The following COL19A1 variants were observed in gnomAD, a reference collection of about 807,000 sequenced individuals.
The protein encoded by COL19A1 is collagen alpha-1(XIX) chain.
A neutral mutation model predicts 190.2 loss-of-function variants in COL19A1; 159 were observed. The ratio of observed to expected loss-of-function variants is 0.84; its 90% CI spans 0.73 to 0.95. The LOEUF (loss-of-function observed/expected upper bound fraction) is 0.95. Among genes scored for constraint, COL19A1 ranks in the 40% least tolerant of loss-of-function variants. The probability of loss-of-function intolerance (pLI) is 0.00; values close to 1 mark genes in which losing one functional copy is unlikely to be tolerated. For missense variants in COL19A1, 1,418 were observed against 1,431.9 expected (o/e 0.99, Z 0.16); for synonymous variants, 509 against 458.9 (o/e 1.11, Z -1.39).
chr6:70,180,571 A>G, intron 44 of COL19A1, 48 bp downstream of exon 44: 1 of 1,573,770 alleles, frequency 6.4e-7, no homozygotes. Context: ...GAAATGCTCT[A>G]ACATTATCTC....
At chr6:70,172,128 C>A in intron 41 of COL19A1, 111 bp downstream of exon 41, 2 of 864,314 alleles carry the variant, frequency 2.3e-6, no homozygotes, top group Non-Finnish European at 3.7e-6. Context: ...AGGAACAAAA[C>A]AGACAAAAAT....
At chr6:69,955,636 T>C (rs1774375435) in intron 9 of COL19A1, among the ~76,000 whole-genome samples, 2 of 151,196 alleles carry the variant, frequency 1.3e-5, no homozygotes, top group African/African-American at 2.4e-5. Flanking sequence ...ATTTCTGGAA[T>C]GATGTGCTGA....
At chr6:70,201,613 C>T (rs919148635) in intron 49 of COL19A1, among the ~76,000 whole-genome samples, 3 of 152,214 alleles carry the variant, frequency 2.0e-5, no homozygotes, top group African/African-American at 7.2e-5. Context: ...TGACAACAGA[C>T]ATATCTTGAC....
rs1470701742 is a variant in COL19A1 at position 70,102,207 on chromosome 6, A to AC, written c.1268dup (p.Gly424ArgfsTer20). 6.2e-7 allele frequency: 1 copy of AC among 1,611,812 alleles called. No individual in the cohort carries two copies. The highest frequency in any genetic ancestry group is 1.3e-5 in the African/African-American group (1 of 74,798). On this transcript the variant is annotated frameshift_variant, in exon 16 of 51. Coordinates refer to ENST00000620364, the MANE Select transcript of COL19A1 (RefSeq NM_001858.6). LOFTEE classifies it high-confidence loss of function. ...AAACAGGACCTCCCGGAAAACCAGGACCCCCAGGACCACCTGTGAGTAAAC... is the reference window on the plus strand; with the variant it reads ...AAACAGGACCTCCCGGAAAACCAGGACCCCCCAGGACCACCTGTGAGTAAAC...
chr6:70,098,488 C>T, intron 15 of COL19A1: 3 of 497,290 alleles, frequency 6.0e-6, no homozygotes, highest in Non-Finnish European at 8.0e-6. Flanking sequence ...TATTCAGGTG[C>T]CTCATTCGAC....
rs73746866 is a variant in COL19A1, at chr6:70,105,923, A to C, written c.1278+3701A>C. On this transcript the variant is annotated intron_variant, in intron 16 of 50. Coordinates refer to ENST00000620364, the MANE Select transcript of COL19A1 (RefSeq NM_001858.6). ...TATCATTTAAACATTATGTTTGAGC[A>C]ATTAGTCTTTAGGAAAGTTGGAGGG... Among the ~76,000 whole-genome samples, 497 of 152,342 alleles carry C rather than the reference A, an allele frequency of 3.3e-3. 2 individuals are homozygous for C. Among genetic ancestry groups the C allele is most frequent in the African/African-American group, 0.01 (426 of 41,584 alleles).
At chr6:70,146,201 G>A (rs977920227) in intron 25 of COL19A1, among the ~76,000 whole-genome samples, 3 of 152,130 alleles carry the variant, frequency 2.0e-5, no homozygotes, top group African/African-American at 7.2e-5. Flanking sequence ...AACGTTCCTA[G>A]GGCAGTATTG....
chr6:70,039,478 C>T (rs1224461362), intron 14 of COL19A1, among the ~76,000 whole-genome samples: 1 of 152,140 alleles, frequency 6.6e-6, no homozygotes, highest in Non-Finnish European at 1.5e-5. Context: ...AAGCTACTAG[C>T]AAGTCCAACA....
At chr6:69,925,564 T>G (rs1440861556) in intron 4 of COL19A1, among the ~76,000 whole-genome samples, 2 of 152,196 alleles carry the variant, frequency 1.3e-5, no homozygotes, top group Admixed American at 1.3e-4. Flanking sequence ...GACTTGGCAA[T>G]GCGGGCTCTT....
At chr6:70,042,547 A>G (rs942379017) in intron 14 of COL19A1, among the ~76,000 whole-genome samples, 2 of 152,058 alleles carry the variant, frequency 1.3e-5, no homozygotes, top group Non-Finnish European at 2.9e-5. Flanking sequence ...GATGGCTGCT[A>G]TCTGATCAGG....
chr6:70,137,638 G>C, intron 18 of COL19A1, 47 bp from the exon 19 acceptor site: 2 of 1,556,130 alleles, frequency 1.3e-6, no homozygotes, highest in South Asian at 1.1e-5. Flanking sequence ...TCACAATAAT[G>C]CTTCTCTAAC....
intron 5 of COL19A1, 40 bp from the exon 6 acceptor site, chr6:69,929,385 T>C: frequency 6.4e-7 from 1 of 1,574,272 alleles, no homozygotes; most frequent in Non-Finnish European, 8.6e-7. Context: ...TTTTGAACAT[T>C]GATTTTTAAA....
At chr6:70,167,206 A>T (rs921786450) in intron 37 of COL19A1, among the ~76,000 whole-genome samples, 5 of 152,216 alleles carry the variant, frequency 3.3e-5, no homozygotes, top group Admixed American at 2.0e-4. Flanking sequence ...TTCACAGAAC[A>T]CTACTGGCCA....
chr6:69,948,291 T>C (rs1222095003), intron 9 of COL19A1, among the ~76,000 whole-genome samples: 2 of 151,888 alleles, frequency 1.3e-5, no homozygotes, highest in Non-Finnish European at 2.9e-5. Flanking sequence ...GAGACTTACG[T>C]ACATTTACAC....
At chr6:70,116,788 G>A (rs1346216129) in intron 16 of COL19A1, among the ~76,000 whole-genome samples, 5 of 152,134 alleles carry the variant, frequency 3.3e-5, no homozygotes, top group South Asian at 2.1e-4. Flanking sequence ...ACAGAAAAGC[G>A]ATTTTTTAGC....
At chr6:69,944,069 A>C (rs1373566596) in intron 9 of COL19A1, among the ~76,000 whole-genome samples, 1 of 152,092 alleles carries the variant, frequency 6.6e-6, no homozygotes, top group Non-Finnish European at 1.5e-5. Flanking sequence ...CTTTTGCTCC[A>C]AGTCCTTTGT....
rs187507500 is a variant in COL19A1 at position 70,062,757 on chromosome 6, A to T, written c.1171-5666A>T. On this transcript the variant is annotated intron_variant, in intron 14 of 50. Coordinates refer to ENST00000620364, the MANE Select transcript of COL19A1 (RefSeq NM_001858.6). ...ACCTATCTCATCTGCAGAGACACAC[A>T]TAGGCTCAAAATAAAGGGATGGAGG... 2.0e-4 allele frequency among the ~76,000 whole-genome samples: 31 copies of T among 152,314 alleles called. No individual in the cohort carries two copies. In the East Asian group the frequency reaches 6.0e-3, roughly 29 times the overall value.
At chr6:70,070,906 C>T (rs906427359) in intron 15 of COL19A1, among the ~76,000 whole-genome samples, 3 of 152,042 alleles carry the variant, frequency 2.0e-5, no homozygotes, top group African/African-American at 7.2e-5. Context: ...TTTTTATTTA[C>T]CCAATGTTAA....
At chr6:69,950,566 T>C (rs911889430) in intron 9 of COL19A1, among the ~76,000 whole-genome samples, 1 of 151,710 alleles carries the variant, frequency 6.6e-6, no homozygotes, top group African/African-American at 2.4e-5. Context: ...TGGCGACTTC[T>C]GGTAAGCTTG....
Sources: allele counts gnomAD v4.1 joint callset (sites outside exome capture counted in the v4.1 genomes callset), GRCh38; gene constraint gnomAD v4.1.1; transcripts MANE v1.5; gene names NCBI Gene and HGNC (gene_info 2026-07-23, HGNC 2026-07-21).